Variants in NTM observed in about 807,000 individuals in gnomAD.
NTM encodes the protein IgLON family member 2.
NTM carries 13 observed loss-of-function variants against 42.1 expected under a neutral mutation model. The ratio of observed to expected loss-of-function variants is 0.31; its 90% confidence interval spans 0.20 to 0.49. NTM has a LOEUF of 0.49. NTM is among the 20% of genes least tolerant of loss of function. NTM has a pLI of 0.99. For missense variants in NTM, 373 were observed against 452.8 expected (o/e 0.82, Z 1.60); for synonymous variants, 187 against 179.2 (o/e 1.04, Z -0.35).
At chr11:131,500,787 A>G (rs1228822644) in intron 1 of NTM, among the ~76,000 whole-genome samples, 5 of 124,360 alleles carry the variant, frequency 4.0e-5, no homozygotes, top group African/African-American at 1.6e-4. Flanking sequence ...TCCTGTGTCC[A>G]AGTGTTCTCA....
chr11:131,685,684 T>A (rs1207772290), intron 1 of NTM, among the ~76,000 whole-genome samples: 1 of 152,152 alleles, frequency 6.6e-6, no homozygotes, highest in Admixed American at 6.5e-5. Flanking sequence ...CTTACCTTTT[T>A]TTAAAAAAAT....
At chr11:131,413,770 C>T (rs1213958426) in intron 1 of NTM, among the ~76,000 whole-genome samples, 1 of 152,100 alleles carries the variant, frequency 6.6e-6, no homozygotes, top group African/African-American at 2.4e-5. Context: ...CAGCAGGTTC[C>T]TGGCAGTCCA....
intron 2 of NTM, among the ~76,000 whole-genome samples, chr11:132,030,023 T>C (rs528573889): frequency 1.3e-5 from 2 of 152,190 alleles, no homozygotes; most frequent in Non-Finnish European, 2.9e-5. Flanking sequence ...TTCTAAAATA[T>C]ATTATTGTTT....
chr11:131,977,498 A>G (rs1399633079), intron 2 of NTM, among the ~76,000 whole-genome samples: 1 of 152,220 alleles, frequency 6.6e-6, no homozygotes, highest in African/African-American at 2.4e-5. Context: ...TACAGCATTC[A>G]TGAGCAATTG....
Position 132,230,859 on chromosome 11 carries a change from C to A in NTM, c.526+18712C>A, listed in dbSNP as rs577801354. 3.1e-3 allele frequency among the ~76,000 whole-genome samples: 467 copies of A among 152,214 alleles called. 3 individuals are homozygous for A. The highest frequency in any genetic ancestry group is 0.011 in the African/African-American group (444 of 41,526). On this transcript the variant is annotated intron_variant, in intron 4 of 8. Transcript: ENST00000683400. ...CAACATAATGAGACCCCCATCTCTA[C>A]AAAAAAATTTTTTAATCAGCTGGGT...
intron 1 of NTM, among the ~76,000 whole-genome samples, chr11:131,460,647 G>A (rs1951293563): frequency 6.6e-6 from 1 of 152,070 alleles, no homozygotes; most frequent in South Asian, 2.1e-4. Context: ...CTGCCTCCCG[G>A]GTTCAAGCGA....
At chr11:132,260,145 T>A (rs1038290653) in intron 4 of NTM, among the ~76,000 whole-genome samples, 3 of 152,186 alleles carry the variant, frequency 2.0e-5, no homozygotes, top group African/African-American at 7.2e-5. Flanking sequence ...AGCAAAGAAC[T>A]CAGCCTGGCA....
chr11:131,673,799 C>T (rs563960131), intron 1 of NTM, among the ~76,000 whole-genome samples: 1 of 152,256 alleles, frequency 6.6e-6, no homozygotes, highest in South Asian at 2.1e-4. Context: ...AGAGATCTCA[C>T]GTTTGCAGAA....
chr11:132,163,966 A>G (rs2074852888), intron 3 of NTM, among the ~76,000 whole-genome samples: 1 of 152,026 alleles, frequency 6.6e-6, no homozygotes, highest in Non-Finnish European at 1.5e-5. Flanking sequence ...TAATTTACAG[A>G]TGGGAAAACA....
At chr11:132,303,213 C>G (rs1443854809) in intron 4 of NTM, among the ~76,000 whole-genome samples, 1 of 152,184 alleles carries the variant, frequency 6.6e-6, no homozygotes, top group Non-Finnish European at 1.5e-5. Context: ...TGACAAGGCA[C>G]AAAAAACTGG....
chr11:131,573,862 AG>A (rs2057685996), intron 1 of NTM, among the ~76,000 whole-genome samples: 1 of 152,088 alleles, frequency 6.6e-6, no homozygotes, highest in Non-Finnish European at 1.5e-5. Flanking sequence ...GATTTCTTCT[AG>A]GGGGCTGGAG....
At chr11:131,393,034 C>A (rs979734599) in intron 1 of NTM, among the ~76,000 whole-genome samples, 2 of 152,138 alleles carry the variant, frequency 1.3e-5, no homozygotes, top group African/African-American at 4.8e-5. Context: ...TCCCTTCTAC[C>A]CTACTTTCCA....
intron 1 of NTM, among the ~76,000 whole-genome samples, chr11:131,455,977 A>G (rs537389703): frequency 6.6e-6 from 1 of 152,372 alleles, no homozygotes; most frequent in South Asian, 2.1e-4. Context: ...GAGAAATGTT[A>G]TTCATTGTTC....
intron 2 of NTM, among the ~76,000 whole-genome samples, chr11:132,035,089 G>A (rs890742827): frequency 6.6e-5 from 10 of 152,306 alleles, no homozygotes; most frequent in African/African-American, 2.2e-4. Context: ...TGAGAGGACT[G>A]TGGACTGAGA....
At chr11:131,495,229 A>C (rs11605496) in intron 1 of NTM, among the ~76,000 whole-genome samples, 38,348 of 152,100 alleles carry the variant, frequency 0.25, 5,723 homozygotes, top group Non-Finnish European at 0.33. Flanking sequence ...GGGGACAGCC[A>C]GCACAACCTG....
chr11:131,679,658 G>A (rs1270366576), intron 1 of NTM, among the ~76,000 whole-genome samples: 2 of 151,330 alleles, frequency 1.3e-5, no homozygotes, highest in Non-Finnish European at 2.9e-5. Context: ...TAGATAACTA[G>A]TGCCCCCTAG....
rs371609306 is a variant in NTM, at chr11:131,654,632, G to A, written c.83-256932G>A. 6.6e-4 allele frequency among the ~76,000 whole-genome samples: 100 copies of A among 152,264 alleles called. 5 individuals carry two copies. The South Asian group carries it at 0.018, about 28-fold the overall frequency. On this transcript the variant is annotated intron_variant, in intron 1 of 8. Transcript: ENST00000683400. ...GTTGGGTAATGGGAGCGGATTCTTC[G>A]TGAGTGGCTTGATGGGGTCCTGGCA...
chr11:132,186,678 T>C (rs1421176544), intron 3 of NTM, among the ~76,000 whole-genome samples: 3 of 152,226 alleles, frequency 2.0e-5, no homozygotes, highest in Non-Finnish European at 4.4e-5. Context: ...GTAAATACTT[T>C]CATGGAGGTT....
chr11:131,424,635 A>G (rs373732021), intron 1 of NTM, among the ~76,000 whole-genome samples: 198 of 44,030 alleles, frequency 4.5e-3, no homozygotes, highest in African/African-American at 0.016. Flanking sequence ...ATCTTGGCTC[A>G]CTGCAAGTTC....
Sources: gnomAD v4.1 joint callset for allele counts (sites outside exome capture counted in the v4.1 genomes callset) on GRCh38, gnomAD v4.1.1 for gene constraint, MANE v1.5 for transcripts, NCBI Gene and HGNC (gene_info 2026-07-23, HGNC 2026-07-21) for gene names.